The following INSR variants were observed in gnomAD, a reference collection of about 807,000 sequenced individuals.
The protein encoded by INSR is IR.
A neutral mutation model predicts 142.6 loss-of-function variants in INSR; 67 were observed. That is an observed-to-expected ratio of 0.47 (90% CI 0.39 to 0.58). The LOEUF is 0.58. Ranked by LOEUF, INSR falls within the 20% of genes least tolerant of loss-of-function variation. The probability of loss-of-function intolerance (pLI) is 0.00; values close to 1 mark genes in which losing one functional copy is unlikely to be tolerated. For missense variants in INSR, 1,248 were observed against 1,833.2 expected, an observed-to-expected ratio of 0.68 and a Z score of 5.83; for synonymous variants, 756 against 743.1, an observed-to-expected ratio of 1.02 and a Z score of -0.28.
rs1967767785 is a variant in INSR at position 7,267,399 on chromosome 19, C to T, written c.598G>A (p.Val200Ile). 4 of 1,614,200 alleles carry T rather than the reference C, an allele frequency of 2.5e-6. No individual in the cohort carries two copies. Among genetic ancestry groups the T allele is most frequent in the Non-Finnish European group, 3.4e-6 (4 of 1,180,044 alleles). The part of the protein sequence containing the change: ...AKGKTNCPAT[V>I]INGQFVERCW... ...CGTTCGACAAACTGCCCGTTGATGA[C>T]GGTGGCGGGGCAGTTGGTCTTGCCC... Residue 200 changes from valine (V) to isoleucine (I), a missense_variant, in exon 2 of 22, where the codon GTC becomes ATC. Transcript: ENST00000302850. The surrounding 1 kb of genome is among the most constrained non-coding windows in gnomAD (Gnocchi z 6.3).
Position 7,159,028 on chromosome 19 carries a change from G to A in INSR, c.2029+4004C>T, listed in dbSNP as rs1423351239. On this transcript the variant is annotated intron_variant, in intron 9 of 21. Coordinates refer to ENST00000302850, the MANE Select transcript of INSR (RefSeq NM_000208.4). This position sits in a 1 kb window ranked among gnomAD's most constrained non-coding sequence, Gnocchi z 4.3. The stretch of plus-strand genomic sequence containing the variant: ...AGCGATTCTCCTGCCTCAGCCTCCT[G>A]AGTAGCTGGGATTACAGGCACCCAC... Among the ~76,000 whole-genome samples, 1 of 152,016 alleles carries A rather than the reference G, an allele frequency of 6.6e-6. No homozygotes were observed. Among genetic ancestry groups the A allele is most frequent in the Non-Finnish European group, 1.5e-5 (1 of 68,004 alleles).
At chr19:7,194,101 A>C (rs1158228109) in intron 2 of INSR, among the ~76,000 whole-genome samples, 2 of 152,154 alleles carry the variant, frequency 1.3e-5, no homozygotes, top group African/African-American at 4.8e-5. Context: ...CATCGGTGAG[A>C]GCTTTTACAA....
rs181301157 is a variant in INSR at position 7,200,820 on chromosome 19, A to G, written c.653-16183T>C. Among the ~76,000 whole-genome samples, 7 of 147,680 alleles carry G rather than the reference A, an allele frequency of 4.7e-5. No individual in the cohort carries two copies. The East Asian group carries it at 1.4e-3, about 29-fold the overall frequency. On this transcript the variant is annotated intron_variant, in intron 2 of 21. Transcript: ENST00000302850. ...GGCTGCAGTGAGCTAGGATCACGCC[A>G]CTGCACTCCAGCCTGGGTAACAGAG...
intron 1 of INSR, among the ~76,000 whole-genome samples, chr19:7,278,885 T>C (rs1047950873): frequency 7.2e-5 from 11 of 151,940 alleles, no homozygotes; most frequent in South Asian, 2.1e-4. Context: ...TCGCAGCACT[T>C]TGGGAGCCTG....
intron 11 of INSR, among the ~76,000 whole-genome samples, chr19:7,149,725 G>A (rs958149708): frequency 3.9e-5 from 6 of 152,082 alleles, no homozygotes; most frequent in Middle Eastern, 3.4e-3. Flanking sequence ...AGGAGGCTGA[G>A]GCAGGAGAAT....
intron 1 of INSR, among the ~76,000 whole-genome samples, chr19:7,288,659 A>G (rs1199550162): frequency 6.3e-5 from 2 of 31,518 alleles, no homozygotes; most frequent in Non-Finnish European, 1.2e-4. Flanking sequence ...TAAAAATTGG[A>G]AAAAAAAAAA....
intron 1 of INSR, among the ~76,000 whole-genome samples, chr19:7,275,891 T>G (rs553447201): frequency 1.3e-5 from 2 of 152,174 alleles, no homozygotes; most frequent in Admixed American, 1.3e-4. Context: ...TACAGAGTAT[T>G]TCCATCAAAG....
rs1972712464 is a variant in INSR, at chr19:7,128,953, T to TG, written c.2843_2844insC (p.Leu948PhefsTer51). 1 of 1,602,338 alleles carries TG rather than the reference T, an allele frequency of 6.2e-7. No individual in the cohort carries two copies. The highest frequency in any genetic ancestry group is 1.7e-5 in the Admixed American group (1 of 59,982). On this transcript the variant is annotated frameshift_variant and splice_region_variant, in exon 15 of 22. Transcript: ENST00000302850. LOFTEE classifies it high-confidence loss of function. ...TTTTTGCAATATTTGACGGGACGTC[T>TG]ACTGAAATAGAATAAGAAAATATAT...
rs767023998 is a variant in INSR, at chr19:7,119,514, T to C, written c.3729A>G (p.Glu1243=). ...AEQPYQGLSN[E]QVLKFVMDGG... ...CATCCATGACAAATTTCAACACCTG[T>C]TCATTAGACAGGCCTTGGTAAGGCT... Residue 1243 remains glutamate (E), a synonymous_variant, in exon 21 of 22, where the codon GAA becomes GAG. Transcript: ENST00000302850. This position sits in a 1 kb window ranked among gnomAD's most constrained non-coding sequence, Gnocchi z 5.2. The C allele has an allele frequency of 1.2e-6, 2 of 1,614,190 alleles. No individual in the cohort carries two copies. Among genetic ancestry groups the C allele is most frequent in the Non-Finnish European group, 8.5e-7 (1 of 1,180,020 alleles).
At position 7,215,480 on chromosome 19, in the gene INSR, G is replaced by A. The variant is rs1975404003; in HGVS notation, c.653-30843C>T. On this transcript the variant is annotated intron_variant, in intron 2 of 21. Transcript: ENST00000302850. Reference sequence around the variant, plus strand: ...CCACTTCAGGATGACTCGAAAGACAGAAAAAGACTCAAAGCAAAATGCCTA... The same window carrying A: ...CCACTTCAGGATGACTCGAAAGACAAAAAAAGACTCAAAGCAAAATGCCTA... Among the ~76,000 whole-genome samples the A allele has an allele frequency of 2.6e-5, 4 of 151,496 alleles. No individual in the cohort carries two copies. The South Asian group carries it at 8.4e-4, about 32-fold the overall frequency.
intron 2 of INSR, among the ~76,000 whole-genome samples, chr19:7,253,555 G>A (rs80054413): frequency 0.016 from 2,416 of 152,220 alleles, 47 homozygotes; most frequent in African/African-American, 0.055. Flanking sequence ...TGATGATCAT[G>A]CTAAGTCCAG....
At chr19:7,224,965 G>GAGACAGAC (rs561913561) in intron 2 of INSR, among the ~76,000 whole-genome samples, 7 of 151,488 alleles carry the variant, frequency 4.6e-5, no homozygotes, top group African/African-American at 7.3e-5. Context: ...GGATGAGAGA[G>GAGACAGAC]AGACAGACAG....
Position 7,141,333 on chromosome 19 carries a change from G to A in INSR, c.2682+344C>T, listed in dbSNP as rs554184460. Among the ~76,000 whole-genome samples the A allele has an allele frequency of 1.4e-4, 21 of 152,218 alleles. No homozygotes were observed. In the South Asian group the frequency reaches 4.4e-3, roughly 32 times the overall value. ...GCCTCCCAAAGTGCTTGGATTACAGGTGTGAGCCACTGTACCCAGCAATTT... is the reference window on the plus strand; with the variant it reads ...GCCTCCCAAAGTGCTTGGATTACAGATGTGAGCCACTGTACCCAGCAATTT... On this transcript the variant is annotated intron_variant, in intron 13 of 21. Transcript: ENST00000302850.
At chr19:7,269,044 A>C (rs1420352695) in intron 1 of INSR, among the ~76,000 whole-genome samples, 1 of 151,184 alleles carries the variant, frequency 6.6e-6, no homozygotes, top group Non-Finnish European at 1.5e-5. Flanking sequence ...ACACCCACAC[A>C]CACACACACA....
intron 2 of INSR, among the ~76,000 whole-genome samples, chr19:7,266,125 C>T (rs1036469081): frequency 7.2e-5 from 11 of 152,166 alleles, no homozygotes; most frequent in African/African-American, 2.7e-4. Flanking sequence ...AATGACAACA[C>T]GTCAGCTCCT....
intron 11 of INSR, among the ~76,000 whole-genome samples, chr19:7,144,054 CAA>C (rs111357856): frequency 1.3e-4 from 13 of 96,342 alleles, no homozygotes; most frequent in East Asian, 2.8e-4. Context: ...GACTCTGTCT[CAA>C]AAAAAAAAAA....
chr19:7,180,339 G>A (rs1974241224), intron 3 of INSR, among the ~76,000 whole-genome samples: 1 of 151,952 alleles, frequency 6.6e-6, no homozygotes, highest in South Asian at 2.1e-4. Context: ...AGACGAGCCT[G>A]GGGAATATAG....
intron 2 of INSR, among the ~76,000 whole-genome samples, chr19:7,213,275 C>G (rs1370079399): frequency 4.3e-5 from 6 of 139,650 alleles, no homozygotes; most frequent in Non-Finnish European, 7.6e-5. Context: ...ACCCGGGAGG[C>G]GGAGGTTGCA....
At chr19:7,259,083 C>T (rs1286532188) in intron 2 of INSR, among the ~76,000 whole-genome samples, 9 of 41,520 alleles carry the variant, frequency 2.2e-4, no homozygotes, top group African/African-American at 6.1e-4. Flanking sequence ...CTCCTTCTTT[C>T]CTTCCCGCCT....
Sources: allele counts gnomAD v4.1 joint callset (sites outside exome capture counted in the v4.1 genomes callset), GRCh38; gene constraint gnomAD v4.1.1; non-coding constraint Gnocchi (gnomAD v3.1); transcripts MANE v1.5; gene names NCBI Gene and HGNC (gene_info 2026-07-23, HGNC 2026-07-21).